Variants in TBCD observed in about 807,000 individuals in gnomAD.
TBCD encodes tubulin-specific chaperone D.
In TBCD, 105 loss-of-function variants were observed where a neutral mutation model predicts 169.3. The ratio of observed to expected loss-of-function variants is 0.62; its 90% confidence interval spans 0.53 to 0.73. The LOEUF (loss-of-function observed/expected upper bound fraction) is 0.73, where lower values mean the gene tolerates loss of function less well. Ranked by LOEUF, TBCD falls within the 30% of genes least tolerant of loss-of-function variation. The pLI, the probability that TBCD is intolerant of heterozygous loss-of-function variation, is 0.00. For missense variants in TBCD, 1,444 were observed against 1,600.1 expected (o/e 0.90, Z 1.66); for synonymous variants, 700 against 643.9 (o/e 1.09, Z -1.32).
chr17:82,940,600 C>T (rs1048900494), intron 37 of TBCD, among the ~76,000 whole-genome samples: 3 of 152,164 alleles, frequency 2.0e-5, no homozygotes, highest in Non-Finnish European at 2.9e-5. Context: ...AGGGCTTCCG[C>T]GAGGTTTTCT....
chr17:82,776,314 T>C (rs953777777), intron 6 of TBCD, among the ~76,000 whole-genome samples: 1 of 151,772 alleles, frequency 6.6e-6, no homozygotes, highest in Non-Finnish European at 1.5e-5. Flanking sequence ...GAAGGCTGGG[T>C]GGGAGGATTG....
At position 82,923,207 on chromosome 17, in the gene TBCD, A is replaced by G. The variant is rs2061522975; in HGVS notation, c.2179-445A>G. Among the ~76,000 whole-genome samples, 3 of 152,134 alleles carry G rather than the reference A, an allele frequency of 2.0e-5. No individual in the cohort carries two copies. In the South Asian group the frequency reaches 6.2e-4, roughly 31 times the overall value. On this transcript the variant is annotated intron_variant, in intron 25 of 38. Coordinates refer to ENST00000355528, the MANE Select transcript of TBCD (RefSeq NM_005993.5). This position sits in a 1 kb window ranked among gnomAD's most constrained non-coding sequence, Gnocchi z 4.6. ...AAAGAAAAATATGCTCCATTTTATTATTGTTCCATATTAGAAGACAGACAT... is the reference window on the plus strand; with the variant it reads ...AAAGAAAAATATGCTCCATTTTATTGTTGTTCCATATTAGAAGACAGACAT...
At chr17:82,896,581 T>G (rs925271913) in intron 17 of TBCD, among the ~76,000 whole-genome samples, 9 of 147,034 alleles carry the variant, frequency 6.1e-5, no homozygotes, top group African/African-American at 2.0e-4. Flanking sequence ...TCCTCCCACC[T>G]CAGCCTCCCG....
intron 35 of TBCD, chr17:82,937,777 T>C: frequency 8.3e-7 from 1 of 1,198,294 alleles, no homozygotes; most frequent in Non-Finnish European, 1.1e-6. Context: ...CTCCTTGAGG[T>C]GGGGGTCCTC....
intron 23 of TBCD, among the ~76,000 whole-genome samples, chr17:82,916,639 G>C (rs2061055027): frequency 6.6e-6 from 1 of 152,172 alleles, no homozygotes; most frequent in East Asian, 1.9e-4. Flanking sequence ...GTCTTCTGGA[G>C]AGGTTAGCTG....
At chr17:82,918,957 G>A (rs2061245810) in intron 23 of TBCD, among the ~76,000 whole-genome samples, 1 of 152,234 alleles carries the variant, frequency 6.6e-6, no homozygotes, top group Admixed American at 6.5e-5. Context: ...AGAAGGTAAA[G>A]TCGTATCTAA....
rs535155740 is a variant in TBCD, at chr17:82,923,586, C to G, written c.2179-66C>G. On this transcript the variant is annotated intron_variant, in intron 25 of 38. Transcript: ENST00000355528. This position sits in a 1 kb window ranked among gnomAD's most constrained non-coding sequence, Gnocchi z 4.6. ...TTCTCCGACTTCAGAGTGACCTGCT[C>G]TGTCCCTGGCCGGGGGCTTCTCCGA... 13 of 1,349,540 alleles carry G rather than the reference C, an allele frequency of 9.6e-6. No homozygotes were observed. In the East Asian group the frequency reaches 2.8e-4, roughly 29 times the overall value. The allele number at this position is 1,349,540 out of a possible 1,614,324, so 83.6% of individuals were successfully genotyped here.
At chr17:82,798,086 T>C (rs1356387018) in intron 8 of TBCD, among the ~76,000 whole-genome samples, 3 of 147,912 alleles carry the variant, frequency 2.0e-5, no homozygotes, top group Non-Finnish European at 4.5e-5. Context: ...AAGCAATTCT[T>C]CTGCCTCAGC....
intron 13 of TBCD, among the ~76,000 whole-genome samples, chr17:82,850,195 TG>T (rs1203077885): frequency 7.7e-6 from 1 of 129,040 alleles, no homozygotes; most frequent in East Asian, 2.3e-4. Flanking sequence ...GTGCTGCTGT[TG>T]GCTGTGCTGT....
At position 82,923,685 on chromosome 17, in the gene TBCD, A is replaced by G. The variant is rs777586006; in HGVS notation, c.2212A>G (p.Ser738Gly). 3.1e-6 allele frequency: 5 copies of G among 1,596,328 alleles called. No homozygotes were observed. Among genetic ancestry groups the G allele is most frequent in the Non-Finnish European group, 4.3e-6 (5 of 1,171,456 alleles). ...AGTCTCGGCCCTGGCTGCTCTATGC[A>G]GTGAATATTACATGAAGGAGCCGGG... ...AAVSALAALC[S>G]EYYMKEPGEA... Residue 738 changes from serine (S) to glycine (G), a missense_variant, in exon 26 of 39, where the codon AGT becomes GGT. Coordinates refer to ENST00000355528, the MANE Select transcript of TBCD (RefSeq NM_005993.5). The surrounding 1 kb of genome is among the most constrained non-coding windows in gnomAD (Gnocchi z 4.6).
chr17:82,879,588 G>T (rs2058216382), intron 14 of TBCD, among the ~76,000 whole-genome samples: 1 of 152,140 alleles, frequency 6.6e-6, no homozygotes, highest in Admixed American at 6.5e-5. Context: ...CCTCTGTGCT[G>T]GTCCGGGATG....
chr17:82,752,176 G>T lies in TBCD; in HGVS notation c.-18G>T, dbSNP rs1176256232. ...CTGCGAACACGTGAGGCGGGGGCGC[G>T]GTCCCCAGGCTGCCGAGATGGCCCT... On this transcript the variant is annotated 5_prime_UTR_variant, in exon 1 of 39. Coordinates refer to ENST00000355528, the MANE Select transcript of TBCD (RefSeq NM_005993.5). The T allele has an allele frequency of 4.0e-6, 6 of 1,503,762 alleles. No homozygotes were observed. Among genetic ancestry groups the T allele is most frequent in the South Asian group, 3.8e-5 (3 of 79,816 alleles). 93.2% of individuals were successfully genotyped at this position (1,503,762 alleles called of 1,614,324 possible). A position where few individuals can be genotyped will look rare whatever the true frequency, so the allele number is the denominator to read the frequency against.
rs569084869 is a variant in TBCD, at chr17:82,789,365, G to C, written c.771+7644G>C. Among the ~76,000 whole-genome samples, 1 of 152,350 alleles carries C rather than the reference G, an allele frequency of 6.6e-6. No individual in the cohort carries two copies. The highest frequency in any genetic ancestry group is 2.1e-4 in the South Asian group (1 of 4,830). Reference sequence around the variant, plus strand: ...TGGCCCATCCCTGCTGAGGTGGCGCGACCTGCTCACAGACGTGTGCTCACA... The same window carrying C: ...TGGCCCATCCCTGCTGAGGTGGCGCCACCTGCTCACAGACGTGTGCTCACA... On this transcript the variant is annotated intron_variant, in intron 7 of 38. Coordinates refer to ENST00000355528, the MANE Select transcript of TBCD (RefSeq NM_005993.5). The surrounding 1 kb of genome is among the most constrained non-coding windows in gnomAD (Gnocchi z 4.8).
intron 13 of TBCD, among the ~76,000 whole-genome samples, chr17:82,841,478 G>C (rs1414460037): frequency 1.3e-5 from 2 of 151,970 alleles, no homozygotes; most frequent in Non-Finnish European, 2.9e-5. Context: ...CACTATGCCT[G>C]GAGAATTTTT....
intron 7 of TBCD, among the ~76,000 whole-genome samples, chr17:82,793,889 C>T (rs1027668281): frequency 3.3e-5 from 5 of 152,096 alleles, no homozygotes; most frequent in African/African-American, 7.2e-5. Flanking sequence ...TTCTTGGTGT[C>T]GGAGCAGGAC....
intron 13 of TBCD, among the ~76,000 whole-genome samples, chr17:82,860,148 A>T (rs1464004044): frequency 6.6e-6 from 1 of 152,228 alleles, no homozygotes; most frequent in Admixed American, 6.5e-5. Context: ...TAAGCCTTTA[A>T]TTCTCCCGAA....
intron 1 of TBCD, 66 bp downstream of exon 1, chr17:82,752,443 T>G: frequency 8.4e-5 from 91 of 1,084,842 alleles, no homozygotes; most frequent in South Asian, 9.1e-5. Context: ...GAGTGCACTT[T>G]ACCGGGCGGG....
rs547771756 is a variant in TBCD, at chr17:82,920,112, C to T, written c.2039-444C>T. On this transcript the variant is annotated intron_variant, in intron 23 of 38. Transcript: ENST00000355528. This position sits in a 1 kb window ranked among gnomAD's most constrained non-coding sequence, Gnocchi z 4.1. ...TTCTGGTCATGGAGAGTGTGAGTGA[C>T]GAGCTATGTGGGGAAGTGACAGGCA... Among the ~76,000 whole-genome samples, 1 of 152,224 alleles carries T rather than the reference C, an allele frequency of 6.6e-6. No individual in the cohort carries two copies. The highest frequency in any genetic ancestry group is 2.4e-5 in the African/African-American group (1 of 41,540).
At chr17:82,909,958 G>C (rs1737631515) in intron 22 of TBCD, among the ~76,000 whole-genome samples, 1 of 152,230 alleles carries the variant, frequency 6.6e-6, no homozygotes, top group Non-Finnish European at 1.5e-5. Context: ...ACAGTAGGAA[G>C]CCTTTGGGTG....
Sources: gnomAD v4.1 joint callset for allele counts (sites outside exome capture counted in the v4.1 genomes callset) on GRCh38, gnomAD v4.1.1 for gene constraint, Gnocchi (gnomAD v3.1) non-coding constraint, MANE v1.5 for transcripts, NCBI Gene and HGNC (gene_info 2026-07-23, HGNC 2026-07-21) for gene names.